ARHGEF33: variants seen among roughly 807,000 people sequenced by gnomAD.
ARHGEF33 encodes the protein DH and coiled-coil domain-containing protein ENSP00000381780.
In ARHGEF33, 72 loss-of-function variants were observed where a neutral mutation model predicts 101.9. The ratio of observed to expected loss-of-function variants is 0.71; its 90% CI spans 0.58 to 0.86. ARHGEF33 has a LOEUF of 0.86. Among genes scored for constraint, ARHGEF33 ranks in the 40% least tolerant of loss-of-function variants. The pLI, the probability that ARHGEF33 is intolerant of heterozygous loss-of-function variation, is 0.00. For synonymous variants in ARHGEF33, 499 were observed against 442.5 expected (o/e 1.13, Z -1.60); for missense variants, 1,169 against 1,111.3 (o/e 1.05, Z -0.74).
intron 10 of ARHGEF33, among the ~76,000 whole-genome samples, chr2:38,949,512 T>C (rs938974451): frequency 1.3e-5 from 2 of 151,938 alleles, no homozygotes; most frequent in Non-Finnish European, 2.9e-5. Context: ...CCCACCCTTC[T>C]CTGACGTCTC....
At chr2:38,972,741 A>C (rs1668193224) in intron 17 of ARHGEF33, among the ~76,000 whole-genome samples, 1 of 152,204 alleles carries the variant, frequency 6.6e-6, no homozygotes, top group Admixed American at 6.5e-5. Context: ...ATGATAGTAC[A>C]AGGACTCGGA....
At chr2:38,959,605 AGGCCAT>A (rs1667860609) in intron 15 of ARHGEF33, 1 of 461,190 alleles carries the variant, frequency 2.2e-6, no homozygotes, top group Admixed American at 3.7e-5. Context: ...CCTGGCCCGC[AGGCCAT>A]TTCCCAGAAG....
At chr2:38,960,752 C>T in intron 16 of ARHGEF33, 104 bp downstream of exon 16, 1 of 966,794 alleles carries the variant, frequency 1.0e-6, no homozygotes, top group Non-Finnish European at 1.3e-6. Flanking sequence ...GGGGCCGGGC[C>T]AGGCTAGGGG....
At chr2:38,934,213 G>C (rs1320419717) in intron 7 of ARHGEF33, among the ~76,000 whole-genome samples, 1 of 151,886 alleles carries the variant, frequency 6.6e-6, no homozygotes. Flanking sequence ...CTCTTCTTTT[G>C]GCTGACACTG....
At chr2:38,902,643 T>C (rs1666275108) in intron 2 of ARHGEF33, among the ~76,000 whole-genome samples, 1 of 152,202 alleles carries the variant, frequency 6.6e-6, no homozygotes, top group Admixed American at 6.5e-5. Flanking sequence ...CGTTTGGTCC[T>C]TCCGAACTAT....
intron 10 of ARHGEF33, among the ~76,000 whole-genome samples, chr2:38,944,492 T>A (rs1466359056): frequency 6.6e-6 from 1 of 152,176 alleles, no homozygotes; most frequent in Non-Finnish European, 1.5e-5. Context: ...CTCCCAGTAC[T>A]GTTGCATTGG....
intron 2 of ARHGEF33, among the ~76,000 whole-genome samples, chr2:38,896,387 C>T (rs1474451552): frequency 1.3e-5 from 2 of 152,248 alleles, no homozygotes; most frequent in Non-Finnish European, 2.9e-5. Flanking sequence ...ATCTACCTGC[C>T]TTGGCCTCCG....
intron 2 of ARHGEF33, among the ~76,000 whole-genome samples, chr2:38,899,892 G>A (rs1666204554): frequency 6.6e-6 from 1 of 152,098 alleles, no homozygotes; most frequent in Non-Finnish European, 1.5e-5. Flanking sequence ...CAATGGATAT[G>A]AATATGAAAT....
At chr2:38,963,041 G>A (rs1667980836) in intron 16 of ARHGEF33, among the ~76,000 whole-genome samples, 1 of 147,938 alleles carries the variant, frequency 6.8e-6, no homozygotes, top group Non-Finnish European at 1.5e-5. Context: ...AAAAAAAAAA[G>A]GCCCTGGTTA....
At chr2:38,962,168 G>A (rs1350207078) in intron 16 of ARHGEF33, among the ~76,000 whole-genome samples, 1 of 152,130 alleles carries the variant, frequency 6.6e-6, no homozygotes, top group Non-Finnish European at 1.5e-5. Context: ...ATTTGATTAG[G>A]CAGAATTTCT....
intron 2 of ARHGEF33, among the ~76,000 whole-genome samples, chr2:38,905,898 T>A (rs190169026): frequency 4.7e-4 from 71 of 152,262 alleles, no homozygotes; most frequent in Non-Finnish European, 6.3e-4. Flanking sequence ...TAAGCAGCCC[T>A]AGAATAGACT....
At chr2:38,939,563 G>T (rs1053432686) in intron 9 of ARHGEF33, among the ~76,000 whole-genome samples, 1 of 152,160 alleles carries the variant, frequency 6.6e-6, no homozygotes, top group African/African-American at 2.4e-5. Context: ...GTTTTAATTT[G>T]CAGTTCCCTG....
At chr2:38,899,084 GT>G (rs200674653) in intron 2 of ARHGEF33, among the ~76,000 whole-genome samples, 1 of 151,608 alleles carries the variant, frequency 6.6e-6, no homozygotes, top group Non-Finnish European at 1.5e-5. Flanking sequence ...AACTTCTGTG[GT>G]TTTTTTTAGG....
chr2:38,894,485 T>G (rs997315674), intron 1 of ARHGEF33, among the ~76,000 whole-genome samples: 1 of 151,726 alleles, frequency 6.6e-6, no homozygotes, highest in African/African-American at 2.4e-5. Context: ...TCTCTTACAT[T>G]AAAAACAAAC....
At chr2:38,905,634 C>G (rs1243031400) in intron 2 of ARHGEF33, among the ~76,000 whole-genome samples, 1 of 152,202 alleles carries the variant, frequency 6.6e-6, no homozygotes, top group Non-Finnish European at 1.5e-5. Context: ...GGTGCCCTGC[C>G]TTCCTGACTC....
At chr2:38,967,810 C>A (rs2124431444) in intron 17 of ARHGEF33, among the ~76,000 whole-genome samples, 1 of 150,368 alleles carries the variant, frequency 6.7e-6, no homozygotes, top group South Asian at 2.1e-4. Flanking sequence ...GAACTCCTGA[C>A]CTCAAGTGAT....
In ARHGEF33 at chr2:38,960,337, A is replaced by T; in HGVS notation, c.2032A>T (p.Lys678Ter). Reference sequence around the variant, plus strand: ...GGAGCACCCGCTGCAGCCGCTGCCCAAGAGCGCTACGTCGCCGGCGGGCAG... The same window carrying T: ...GGAGCACCCGCTGCAGCCGCTGCCCTAGAGCGCTACGTCGCCGGCGGGCAG... ...RPEHPLQPLPKSATSPAGSSS... is the reference protein window; with the variant it reads ...RPEHPLQPLP The change falls in exon 16 of 18, where the codon AAG (lysine) becomes TAG (stop). Residue 678 changes from lysine (K) to a stop codon, truncating the protein, a stop_gained. Coordinates refer to ENST00000409978, the MANE Select transcript of ARHGEF33 (RefSeq NM_001145451.5). LOFTEE classifies it high-confidence loss of function. 6.5e-7 allele frequency: 1 copy of T among 1,538,076 alleles called. No individual in the cohort carries two copies.
intron 17 of ARHGEF33, among the ~76,000 whole-genome samples, chr2:38,966,912 A>G (rs1358021385): frequency 6.6e-6 from 1 of 152,102 alleles, no homozygotes; most frequent in Non-Finnish European, 1.5e-5. Flanking sequence ...TGCCTGAGAG[A>G]CTGCTGTTTC....
At chr2:38,961,300 C>A (rs937133749) in intron 16 of ARHGEF33, among the ~76,000 whole-genome samples, 1 of 152,090 alleles carries the variant, frequency 6.6e-6, no homozygotes. Context: ...TCAGGGACAT[C>A]CCAAAATAGA....
Sources: gnomAD v4.1 joint callset for allele counts (sites outside exome capture counted in the v4.1 genomes callset) on GRCh38, gnomAD v4.1.1 for gene constraint, MANE v1.5 for transcripts, NCBI Gene and HGNC (gene_info 2026-07-23, HGNC 2026-07-21) for gene names.